The following ZNF678 variants were observed in gnomAD, a reference collection of about 807,000 sequenced individuals.
The protein encoded by ZNF678 is zinc finger protein 678.
ZNF678 carries 5 observed loss-of-function variants against 3.0 expected under a neutral mutation model. That is an observed-to-expected ratio of 1.69 (90% CI 0.88 to 3.56). ZNF678 has a LOEUF of 3.56. ZNF678 is among the 30% of genes most tolerant of loss of function. The pLI is 0.00. For missense variants in ZNF678, 593 were observed against 605.0 expected, an observed-to-expected ratio of 0.98 and a Z score of 0.21; for synonymous variants, 218 against 199.6, an observed-to-expected ratio of 1.09 and a Z score of -0.78.
intron 1 of ZNF678, among the ~76,000 whole-genome samples, chr1:227,564,061 T>G (rs1656606499): frequency 6.6e-6 from 1 of 152,234 alleles, no homozygotes; most frequent in South Asian, 2.1e-4. Context: ...CCATCCTTTT[T>G]CCTGTGAAAA....
At chr1:227,581,120 T>G (rs1198971051) in intron 1 of ZNF678, among the ~76,000 whole-genome samples, 1 of 152,020 alleles carries the variant, frequency 6.6e-6, no homozygotes, top group African/African-American at 2.4e-5. Flanking sequence ...GAAAATGTAG[T>G]ATGGTTTCTT....
chr1:227,654,877 C>T lies in ZNF678; in HGVS notation c.627C>T (p.Tyr209=), dbSNP rs1659185850. The change falls in exon 4 of 4, where the codon TAC becomes TAT. Residue 209 remains tyrosine (Y), a synonymous_variant. Coordinates refer to ENST00000343776, the MANE Select transcript of ZNF678 (RefSeq NM_001367909.1). ...AAATTCATAGTGGAGAGAAACCATA[C>T]CCATGTGAAGAATGTGGCAAAGCCT... is the stretch of plus-strand genomic sequence containing the variant. ...HKKIHSGEKP[Y]PCEECGKAFT... 2 of 1,608,672 alleles carry T rather than the reference C, an allele frequency of 1.2e-6. No individual in the cohort carries two copies. The highest frequency in any genetic ancestry group is 1.7e-6 in the Non-Finnish European group (2 of 1,179,024).
intron 5 of ZNF678, among the ~76,000 whole-genome samples, chr1:227,670,702 A>G (rs556547716): frequency 6.6e-6 from 1 of 152,344 alleles, no homozygotes; most frequent in South Asian, 2.1e-4. Flanking sequence ...GTTCCTATCC[A>G]GTAAGGATTG....
chr1:227,668,821 G>A (rs12095502), intron 5 of ZNF678, among the ~76,000 whole-genome samples: 33,404 of 152,042 alleles, frequency 0.22, 4,062 homozygotes, highest in East Asian at 0.44. Flanking sequence ...ATAGGAAGTC[G>A]TTTCTTCATT....
At chr1:227,583,347 T>G (rs969129483) in intron 1 of ZNF678, among the ~76,000 whole-genome samples, 1 of 144,810 alleles carries the variant, frequency 6.9e-6, no homozygotes, top group African/African-American at 2.5e-5. Context: ...TTTTTTTTCT[T>G]TTTTCTTTTT....
intron 1 of ZNF678, among the ~76,000 whole-genome samples, chr1:227,589,688 C>A (rs908022176): frequency 6.6e-6 from 1 of 151,590 alleles, no homozygotes; most frequent in East Asian, 1.9e-4. Context: ...GTAATCAGAA[C>A]GAAACATAAC....
chr1:227,609,146 G>A (rs1157940107), intron 1 of ZNF678, among the ~76,000 whole-genome samples: 1 of 152,002 alleles, frequency 6.6e-6, no homozygotes, highest in Non-Finnish European at 1.5e-5. Context: ...AACTTTATAA[G>A]CCATACTTGG....
At chr1:227,595,138 A>G (rs1440817740) in intron 1 of ZNF678, among the ~76,000 whole-genome samples, 1 of 145,320 alleles carries the variant, frequency 6.9e-6, no homozygotes, top group African/African-American at 2.7e-5. Flanking sequence ...TTTGCTTTTA[A>G]AGGAATAAGG....
chr1:227,633,005 A>T (rs1383599712), intron 1 of ZNF678, among the ~76,000 whole-genome samples: 3 of 152,174 alleles, frequency 2.0e-5, no homozygotes, highest in African/African-American at 7.2e-5. Flanking sequence ...ACTAGTGTTC[A>T]GCTTGATTAG....
chr1:227,642,950 AAATGGAGCTG>A (rs112940499), intron 1 of ZNF678, among the ~76,000 whole-genome samples: 34,531 of 152,108 alleles, frequency 0.23, 4,139 homozygotes, highest in African/African-American at 0.28. Context: ...TTAGAAAAGC[AAATGGAGCTG>A]TCATGGCTCC....
rs1659282563 is a variant in ZNF678 at position 227,657,568 on chromosome 1, T to C, written c.*1740T>C. The C allele has an allele frequency of 6.6e-6, 1 of 151,984 alleles. No individual in the cohort carries two copies. Among genetic ancestry groups the C allele is most frequent in the Admixed American group, 6.6e-5 (1 of 15,218 alleles). 9.4% of individuals were successfully genotyped at this position (151,984 alleles called of 1,614,324 possible). A position where few individuals can be genotyped will look rare whatever the true frequency, so the allele number is the denominator to read the frequency against. On this transcript the variant is annotated 3_prime_UTR_variant, in exon 4 of 4. Transcript: ENST00000343776. ...GTATTTTGAATCACGAATGACTATT[T>C]ACAAAATGTCATACTACGTTTTTCT...
At chr1:227,606,054 C>T (rs899782118) in intron 1 of ZNF678, among the ~76,000 whole-genome samples, 6 of 152,166 alleles carry the variant, frequency 3.9e-5, no homozygotes, top group African/African-American at 1.4e-4. Flanking sequence ...GGGTATTTCT[C>T]ATCTCACCGG....
intron 1 of ZNF678, among the ~76,000 whole-genome samples, chr1:227,640,202 A>G (rs1177680341): frequency 2.0e-5 from 3 of 152,172 alleles, no homozygotes; most frequent in African/African-American, 7.2e-5. Context: ...TACAGGCTTC[A>G]GGAGAGGGTG....
At chr1:227,577,113 A>G (rs1657006052) in intron 1 of ZNF678, among the ~76,000 whole-genome samples, 2 of 152,174 alleles carry the variant, frequency 1.3e-5, no homozygotes, top group Admixed American at 1.3e-4. Flanking sequence ...AGAGATTGTT[A>G]TGATTTCAGT....
At chr1:227,618,755 G>A (rs990257470) in intron 1 of ZNF678, among the ~76,000 whole-genome samples, 1 of 152,126 alleles carries the variant, frequency 6.6e-6, no homozygotes, top group Non-Finnish European at 1.5e-5. Flanking sequence ...GTTTGTTTTA[G>A]TAAGCTGCTC....
intron 1 of ZNF678, among the ~76,000 whole-genome samples, chr1:227,633,126 C>A (rs1446843483): frequency 2.6e-5 from 4 of 152,152 alleles, no homozygotes. Flanking sequence ...CCTGCCGGAT[C>A]CGGAGGGGTG....
At chr1:227,673,461 A>G (rs1268650727) in intron 5 of ZNF678, among the ~76,000 whole-genome samples, 1 of 152,188 alleles carries the variant, frequency 6.6e-6, no homozygotes, top group Non-Finnish European at 1.5e-5. Flanking sequence ...GGTCTGGGAG[A>G]ATCCAGGTCC....
intron 3 of ZNF678, among the ~76,000 whole-genome samples, chr1:227,653,478 T>C (rs1031248575): frequency 5.3e-5 from 8 of 152,110 alleles, no homozygotes; most frequent in Non-Finnish European, 1.0e-4. Context: ...TTTCTTAGAA[T>C]TAATTTTTTA....
intron 1 of ZNF678, among the ~76,000 whole-genome samples, chr1:227,583,354 T>TC (rs1657180568): frequency 7.0e-6 from 1 of 142,834 alleles, no homozygotes; most frequent in Admixed American, 6.9e-5. Context: ...TCTTTTTTCT[T>TC]TTTTTTTTTT....
Sources: allele counts gnomAD v4.1 joint callset (sites outside exome capture counted in the v4.1 genomes callset), GRCh38; gene constraint gnomAD v4.1.1; transcripts MANE v1.5; gene names NCBI Gene and HGNC (gene_info 2026-07-23, HGNC 2026-07-21).